ABCD2: variants seen among roughly 807,000 people sequenced by gnomAD.
The protein encoded by ABCD2 is ATP-binding cassette sub-family D member 2.
Under a neutral mutation model 70.9 loss-of-function variants are expected in ABCD2, and 36 were observed. That is an observed-to-expected ratio of 0.51 (90% CI 0.39 to 0.67). The LOEUF is 0.67. ABCD2 is among the 30% of genes least tolerant of loss of function. The pLI is 0.00. For missense variants in ABCD2, 729 were observed against 890.2 expected, an observed-to-expected ratio of 0.82 and a Z score of 2.30; for synonymous variants, 304 against 306.9, an observed-to-expected ratio of 0.99 and a Z score of 0.10.
intron 9 of ABCD2, among the ~76,000 whole-genome samples, chr12:39,561,344 A>G (rs1181767921): frequency 6.6e-6 from 1 of 150,826 alleles, no homozygotes; most frequent in African/African-American, 2.5e-5. Context: ...GTGAGCTGAG[A>G]TCACACCACT....
chr12:39,541,772 T>A, the ABCD2 span, among the ~76,000 whole-genome samples: 1 of 152,012 alleles, frequency 6.6e-6, no homozygotes, highest in Non-Finnish European at 1.5e-5. Flanking sequence ...AAGAGTAGAG[T>A]GAATAAATAC....
intron 7 of ABCD2, among the ~76,000 whole-genome samples, chr12:39,581,279 CAT>C (rs1941592130): frequency 6.6e-6 from 1 of 151,982 alleles, no homozygotes; most frequent in African/African-American, 2.4e-5. Flanking sequence ...TAAGCAAAGA[CAT>C]ACAATAAAGG....
At chr12:39,537,425 A>G in the ABCD2 span, among the ~76,000 whole-genome samples, 2 of 152,244 alleles carry the variant, frequency 1.3e-5, no homozygotes, top group Admixed American at 6.5e-5. Context: ...AATATATCAT[A>G]AAATCATTAA....
chr12:39,537,839 G>A, the ABCD2 span, among the ~76,000 whole-genome samples: 1 of 152,184 alleles, frequency 6.6e-6, no homozygotes, highest in East Asian at 1.9e-4. Context: ...AACAGAGAAA[G>A]TGTTTACATT....
At chr12:39,543,944 A>T in the ABCD2 span, among the ~76,000 whole-genome samples, 1 of 152,194 alleles carries the variant, frequency 6.6e-6, no homozygotes, top group Non-Finnish European at 1.5e-5. Flanking sequence ...GTCCTTCTCT[A>T]ATGATATAAC....
chr12:39,532,353 A>C, the ABCD2 span, among the ~76,000 whole-genome samples: 18 of 152,238 alleles, frequency 1.2e-4, no homozygotes, highest in Non-Finnish European at 2.4e-4. Context: ...CTGACATCTG[A>C]CATTTGAAAA....
rs202162027 is a variant in ABCD2 at position 39,569,635 on chromosome 12, G to A, written c.2003+4081C>T. ...CTCGGTGGTCTGCACCCACTGTCCT[G>A]CACCCGCTTTCTGACACTCCCCAGT... On this transcript the variant is annotated intron_variant, in intron 9 of 9. Coordinates refer to ENST00000308666, the MANE Select transcript of ABCD2 (RefSeq NM_005164.4). Among the ~76,000 whole-genome samples, 7 of 151,842 alleles carry A rather than the reference G, an allele frequency of 4.6e-5. No homozygotes were observed. In the East Asian group the frequency reaches 1.4e-3, roughly 29 times the overall value.
intron 7 of ABCD2, among the ~76,000 whole-genome samples, chr12:39,581,742 T>A (rs1941598983): frequency 6.6e-6 from 1 of 152,200 alleles, no homozygotes; most frequent in Non-Finnish European, 1.5e-5. Context: ...CATATTTTAA[T>A]AAATCACGTT....
At chr12:39,533,057 C>T in the ABCD2 span, among the ~76,000 whole-genome samples, 1 of 151,434 alleles carries the variant, frequency 6.6e-6, no homozygotes, top group Admixed American at 6.6e-5. Flanking sequence ...CCCAGCTACT[C>T]AGGAGGCTGA....
chr12:39,596,476 TCC>T (rs199512892), intron 6 of ABCD2, among the ~76,000 whole-genome samples: 2,041 of 152,316 alleles, frequency 0.013, 20 homozygotes, highest in Non-Finnish European at 0.019. Flanking sequence ...CAGCTATTTC[TCC>T]CTTTTTTTCT....
intron 6 of ABCD2, among the ~76,000 whole-genome samples, chr12:39,587,577 T>A (rs1461861323): frequency 6.6e-6 from 1 of 152,126 alleles, no homozygotes; most frequent in Non-Finnish European, 1.5e-5. Flanking sequence ...CCCATTTATA[T>A]TTAAAAAAGG....
At chr12:39,602,102 C>T (rs961912479) in intron 5 of ABCD2, among the ~76,000 whole-genome samples, 3 of 149,926 alleles carry the variant, frequency 2.0e-5, no homozygotes, top group Non-Finnish European at 3.0e-5. Flanking sequence ...TTTTCTTCTG[C>T]AAATAATTTT....
intron 6 of ABCD2, among the ~76,000 whole-genome samples, chr12:39,595,975 C>A (rs182025876): frequency 6.6e-6 from 1 of 152,092 alleles, no homozygotes; most frequent in African/African-American, 2.4e-5. Context: ...GTGCAGCAAA[C>A]GAGTAAGGAC....
In ABCD2 at chr12:39,552,032, G is replaced by C. The variant is rs1941095339; in HGVS notation, c.*1880C>G. On this transcript the variant is annotated 3_prime_UTR_variant, in exon 10 of 10. Transcript: ENST00000308666. ...AATGAATAATTTTTAGCAAGTTTAA[G>C]TTTTGGTTCCATGCTTCTTAAAAAA... 1.3e-5 allele frequency: 2 copies of C among 151,668 alleles called. No individual in the cohort carries two copies. Among genetic ancestry groups the C allele is most frequent in the South Asian group, 4.1e-4 (2 of 4,828 alleles). 9.4% of individuals were successfully genotyped at this position (151,668 alleles called of 1,614,324 possible).
At chr12:39,569,830 A>G (rs1941421517) in intron 9 of ABCD2, among the ~76,000 whole-genome samples, 1 of 152,196 alleles carries the variant, frequency 6.6e-6, no homozygotes, top group Non-Finnish European at 1.5e-5. Context: ...ACATTTATAT[A>G]TAGAAAGTAC....
chr12:39,619,743 T>C lies in ABCD2; in HGVS notation c.-128A>G, dbSNP rs543295247. 20 of 819,516 alleles carry C rather than the reference T, an allele frequency of 2.4e-5. No homozygotes were observed. In the African/African-American group the frequency reaches 3.1e-4, roughly 13 times the overall value. 50.8% of individuals were successfully genotyped at this position (819,516 alleles called of 1,614,324 possible). A position where few individuals can be genotyped will look rare whatever the true frequency, so the allele number is the denominator to read the frequency against. On this transcript the variant is annotated 5_prime_UTR_variant, in exon 1 of 10. Transcript: ENST00000308666. ...AGTCTGCAGCGTTTCTCTTCCACTG[T>C]TGTGTTTTTAATTTTGTTCTGCTGT...
intron 6 of ABCD2, among the ~76,000 whole-genome samples, chr12:39,598,174 GC>G (rs1941845402): frequency 6.6e-6 from 1 of 152,044 alleles, no homozygotes; most frequent in African/African-American, 2.4e-5. Flanking sequence ...TTTCTCCCAT[GC>G]AAGTAACAAT....
chr12:39,595,882 C>T (rs763775101), intron 6 of ABCD2, among the ~76,000 whole-genome samples: 3 of 152,100 alleles, frequency 2.0e-5, no homozygotes, highest in Non-Finnish European at 4.4e-5. Flanking sequence ...AGCTCCTTAG[C>T]TAGAGACTGG....
At chr12:39,616,931 A>G (rs113969143) in intron 2 of ABCD2, 57 bp downstream of exon 2, 2 of 1,462,534 alleles carry the variant, frequency 1.4e-6, no homozygotes, top group African/African-American at 1.4e-5. Context: ...TAGCAATGAC[A>G]ACTTCAAAAG....
Sources: allele counts gnomAD v4.1 joint callset (sites outside exome capture counted in the v4.1 genomes callset), GRCh38; gene constraint gnomAD v4.1.1; transcripts MANE v1.5; gene names NCBI Gene and HGNC (gene_info 2026-07-23, HGNC 2026-07-21).